The following NECAB2 variants were observed in gnomAD, a reference collection of about 807,000 sequenced individuals.
The protein encoded by NECAB2 is N-terminal EF-hand calcium-binding protein 2.
NECAB2 carries 68 observed loss-of-function variants against 51.9 expected under a neutral mutation model. That is an observed-to-expected ratio of 1.31 (90% CI 1.08 to 1.60). The LOEUF is 1.60. NECAB2 is among the 40% of genes most tolerant of loss of function. The probability of loss-of-function intolerance (pLI) is 0.00; values close to 1 mark genes in which losing one functional copy is unlikely to be tolerated. For missense variants in NECAB2, 854 were observed against 490.3 expected, an observed-to-expected ratio of 1.74 and a Z score of -7.00; for synonymous variants, 329 against 203.5, an observed-to-expected ratio of 1.62 and a Z score of -5.25.
intron 3 of NECAB2, 119 bp from the exon 4 acceptor site, chr16:83,980,720 G>T: frequency 7.4e-7 from 1 of 1,357,396 alleles, no homozygotes; most frequent in Non-Finnish European, 1.0e-6. Flanking sequence ...CGGAGCTTGT[G>T]GGGCCAGCAC....
At chr16:83,989,593 G>C (rs1238691728) in intron 5 of NECAB2, among the ~76,000 whole-genome samples, 1 of 152,186 alleles carries the variant, frequency 6.6e-6, no homozygotes, top group Non-Finnish European at 1.5e-5. Flanking sequence ...GAGGCCAGGA[G>C]AGCAGGGCAG....
At chr16:83,989,736 A>G (rs948799764) in intron 5 of NECAB2, among the ~76,000 whole-genome samples, 1 of 152,146 alleles carries the variant, frequency 6.6e-6, no homozygotes, top group Non-Finnish European at 1.5e-5. Context: ...CTGGATCCAA[A>G]AGCCTTGAGA....
intron 10 of NECAB2, among the ~76,000 whole-genome samples, chr16:83,999,650 T>TG (rs2084781535): frequency 6.6e-6 from 1 of 152,120 alleles, no homozygotes; most frequent in East Asian, 1.9e-4. Flanking sequence ...GAGAGGATTC[T>TG]GGGGCGGCAT....
intron 5 of NECAB2, among the ~76,000 whole-genome samples, chr16:83,981,748 G>T (rs1316843935): frequency 6.6e-6 from 1 of 152,116 alleles, no homozygotes; most frequent in Non-Finnish European, 1.5e-5. Context: ...GCACACCCAG[G>T]AGGCAACTGG....
At chr16:83,974,463 C>T (rs2084383085) in intron 2 of NECAB2, among the ~76,000 whole-genome samples, 1 of 152,158 alleles carries the variant, frequency 6.6e-6, no homozygotes, top group Non-Finnish European at 1.5e-5. Flanking sequence ...GTGGCTTGTC[C>T]AGAGGGGTTT....
At chr16:83,993,821 G>A (rs1392480848) in intron 6 of NECAB2, among the ~76,000 whole-genome samples, 1 of 152,140 alleles carries the variant, frequency 6.6e-6, no homozygotes, top group Admixed American at 6.6e-5. Flanking sequence ...CCGACTGTCA[G>A]TGTCTCTTTA....
chr16:83,991,856 A>G (rs1286877719), intron 6 of NECAB2, among the ~76,000 whole-genome samples: 2 of 129,146 alleles, frequency 1.5e-5, no homozygotes, highest in Admixed American at 9.1e-5. Flanking sequence ...GGGTCTCGCC[A>G]TGTTGGCCAG....
At chr16:83,988,371 A>G (rs1347468074) in intron 5 of NECAB2, among the ~76,000 whole-genome samples, 1 of 152,160 alleles carries the variant, frequency 6.6e-6, no homozygotes, top group African/African-American at 2.4e-5. Flanking sequence ...TAAAAAATAC[A>G]TTATTATTAA....
intron 5 of NECAB2, among the ~76,000 whole-genome samples, chr16:83,982,992 C>A (rs765104675): frequency 2.2e-4 from 34 of 151,972 alleles, no homozygotes; most frequent in Non-Finnish European, 4.7e-4. Context: ...CCTCAGCCTC[C>A]CGAGTAGCTG....
chr16:83,978,406 G>T (rs1345734527), intron 2 of NECAB2, 38 bp from the exon 3 acceptor site: 1 of 1,577,564 alleles, frequency 6.3e-7, no homozygotes, highest in East Asian at 2.2e-5. Context: ...CCTTATCTCT[G>T]CAGACACCAG....
In NECAB2 at chr16:83,994,665, C is replaced by A. The variant is rs779034200; in HGVS notation, c.772C>A (p.Leu258Met). 2 of 1,614,138 alleles carry A rather than the reference C, an allele frequency of 1.2e-6. No individual in the cohort carries two copies. Among genetic ancestry groups the A allele is most frequent in the Admixed American group, 3.3e-5 (2 of 60,022 alleles). Residue 258 changes from leucine to methionine, a missense_variant, in exon 8 of 13, where the codon CTG (leucine) becomes ATG (methionine). Physicochemically the swap from Leu to Met is conservative, Grantham distance 15. Transcript: ENST00000305202. ...AGCCCAGATCAGCCGCTTGGCAGAG[C>A]TGATTGGGAGGCTGGAGAGCAAAGT... ...LEAQISRLAE[L>M]IGRLESKALW...
At chr16:83,997,409 C>T (rs912352960) in intron 9 of NECAB2, 140 bp downstream of exon 9, 7 of 1,044,836 alleles carry the variant, frequency 6.7e-6, no homozygotes, top group African/African-American at 1.6e-5. Context: ...CAGCGCTTGG[C>T]ACCCAGACCC....
intron 8 of NECAB2, among the ~76,000 whole-genome samples, chr16:83,996,714 T>C (rs1303410933): frequency 6.6e-6 from 1 of 152,160 alleles, no homozygotes; most frequent in Non-Finnish European, 1.5e-5. Context: ...GGCTCAGCCC[T>C]GTGTGGGCAC....
intron 3 of NECAB2, among the ~76,000 whole-genome samples, chr16:83,979,449 C>T (rs1450171342): frequency 1.3e-5 from 2 of 152,148 alleles, no homozygotes; most frequent in African/African-American, 4.8e-5. Flanking sequence ...TCCTGGGGGG[C>T]ACTGGCTGGG....
At position 83,998,229 on chromosome 16, in the gene NECAB2, A is replaced by C. The variant is rs1337688264; in HGVS notation, c.874A>C (p.Met292Leu). The C allele has an allele frequency of 3.1e-6, 5 of 1,611,494 alleles. No homozygotes were observed. Among genetic ancestry groups the C allele is most frequent in the Non-Finnish European group, 3.4e-6 (4 of 1,180,002 alleles). Residue 292 changes from methionine (M) to leucine (L), a missense_variant, in exon 10 of 13, where the codon ATG (methionine) becomes CTG (leucine). Physicochemically the swap from Met to Leu is conservative, Grantham distance 15 (BLOSUM62 2). Coordinates refer to ENST00000305202, the MANE Select transcript of NECAB2 (RefSeq NM_019065.3). ...GCACCTGCAGCTGGTCCGGCAGGAG[A>C]TGGCCGTGTGCCCCGAGCAACTGAG... The part of the protein sequence containing the change: ...NMHLQLVRQE[M>L]AVCPEQLSEF...
Position 83,978,552 on chromosome 16 carries a change from A to C in NECAB2, c.335A>C (p.Asn112Thr). 1 of 1,610,448 alleles carries C rather than the reference A, an allele frequency of 6.2e-7. No individual in the cohort carries two copies. The highest frequency in any genetic ancestry group is 8.5e-7 in the Non-Finnish European group (1 of 1,177,226). ...LFHTIDSDNT[N>T]HVDTKELCDY... ...CACACGATTGACTCTGACAACACCAAGTGAGCTTCAGTCCTGGCTGGCAGA... is the reference window on the plus strand; with the variant it reads ...CACACGATTGACTCTGACAACACCACGTGAGCTTCAGTCCTGGCTGGCAGA... The change falls in exon 3 of 13, where the codon AAC becomes ACC. Residue 112 changes from asparagine to threonine, a missense_variant and splice_region_variant. By Grantham distance (65) the Asn-to-Thr change is moderately conservative. Coordinates refer to ENST00000305202, the MANE Select transcript of NECAB2 (RefSeq NM_019065.3).
intron 6 of NECAB2, among the ~76,000 whole-genome samples, chr16:83,991,301 C>G (rs936706461): frequency 2.0e-5 from 3 of 151,582 alleles, no homozygotes; most frequent in South Asian, 2.1e-4. Context: ...CTTTCTCTCT[C>G]TCTCTTTCTT....
chr16:83,994,072 A>G (rs1467308570), intron 6 of NECAB2, among the ~76,000 whole-genome samples: 1 of 152,180 alleles, frequency 6.6e-6, no homozygotes, highest in East Asian at 1.9e-4. Context: ...GGGTCCTAGA[A>G]TGGAGCTGAA....
chr16:84,002,081 A>G (rs578018604), intron 12 of NECAB2, among the ~76,000 whole-genome samples, 165 bp downstream of exon 12: 3 of 152,222 alleles, frequency 2.0e-5, no homozygotes, highest in African/African-American at 7.2e-5. Context: ...GTGGCCCCAC[A>G]TACAGGTATG....
Sources: allele counts gnomAD v4.1 joint callset (sites outside exome capture counted in the v4.1 genomes callset), GRCh38; gene constraint gnomAD v4.1.1; transcripts MANE v1.5; gene names NCBI Gene and HGNC (gene_info 2026-07-23, HGNC 2026-07-21).